KMT2D: variants seen among roughly 807,000 people sequenced by gnomAD.
The protein encoded by KMT2D is histone-lysine N-methyltransferase 2D.
KMT2D carries 55 observed loss-of-function variants against 512.7 expected under a neutral mutation model. That is an observed-to-expected ratio of 0.11 (90% CI 0.09 to 0.13). The LOEUF (loss-of-function observed/expected upper bound fraction) is 0.13. Among genes scored for constraint, KMT2D ranks in the 10% least tolerant of loss-of-function variants. The pLI is 1.00. For missense variants in KMT2D, 6,061 were observed against 7,127.9 expected (o/e 0.85, Z 5.39); for synonymous variants, 2,995 against 2,904.0 (o/e 1.03, Z -1.01).
In KMT2D at chr12:49,042,661, G is replaced by C. The variant is rs376201735; in HGVS notation, c.5783-16C>G. On this transcript the variant is annotated splice_polypyrimidine_tract_variant and intron_variant, in intron 27 of 54. Coordinates refer to ENST00000301067, the MANE Select transcript of KMT2D (RefSeq NM_003482.4). This position sits in a 1 kb window ranked among gnomAD's most constrained non-coding sequence, Gnocchi z 4.4. ...GGGAGTCCACCTACAAGACGGACAGGATCAGAGAAAAGAGCAACTGGCCCA... is the reference window on the plus strand; with the variant it reads ...GGGAGTCCACCTACAAGACGGACAGCATCAGAGAAAAGAGCAACTGGCCCA... 2.5e-6 allele frequency: 4 copies of C among 1,611,594 alleles called. No homozygotes were observed. Among genetic ancestry groups the C allele is most frequent in the Non-Finnish European group, 3.4e-6 (4 of 1,178,404 alleles).
In KMT2D at chr12:49,060,299, G is replaced by A. The variant is rs1938672800; in HGVS notation, c.-724C>T. 6.6e-6 allele frequency among the ~76,000 whole-genome samples: 1 copy of A among 152,088 alleles called. No homozygotes were observed. Among genetic ancestry groups the A allele is most frequent in the South Asian group, 2.1e-4 (1 of 4,832 alleles). ...GAAGGGAGGAGGCTAGGTAGGCGAG[G>A]AAAAGGAAGGGGCGGGCGGTGCGAG... On this transcript the variant is annotated 5_prime_UTR_variant, in exon 1 of 55. Transcript: ENST00000301067.
rs1232234078 is a variant in KMT2D, at chr12:49,037,760, C to T, written c.9596G>A (p.Ser3199Asn). 3 of 1,592,266 alleles carry T rather than the reference C, an allele frequency of 1.9e-6. No individual in the cohort carries two copies. The highest frequency in any genetic ancestry group is 2.6e-6 in the Non-Finnish European group (3 of 1,169,174). ...GGPPAHLLTP[S>N]PLSGPGGSSL... Reference sequence around the variant, plus strand: ...GGATCCTCCTGGGCCACTCAGTGGGCTGGGGGTCAGCAGGTGAGCTGGTGG... The same window carrying T: ...GGATCCTCCTGGGCCACTCAGTGGGTTGGGGGTCAGCAGGTGAGCTGGTGG... Residue 3199 changes from serine to asparagine, a missense_variant, in exon 35 of 55, where the codon AGC becomes AAC. Physicochemically the swap from Ser to Asn is conservative, Grantham distance 46. This residue lies in a region of KMT2D where 533 missense variants were observed against 539.6 expected (regional missense o/e 0.99). Transcript: ENST00000301067.
rs2137705900 is a variant in KMT2D, at chr12:49,022,553, G to A, written c.16338+37C>T. 6.3e-7 allele frequency: 1 copy of A among 1,599,282 alleles called. No homozygotes were observed. Among genetic ancestry groups the A allele is most frequent in the South Asian group, 1.1e-5 (1 of 88,912 alleles). ...TGCCCTTGCTCCTTGGTTGAGTGCA[G>A]ACTATGCACCACAATGGCCCCTCTG... is the stretch of plus-strand genomic sequence containing the variant. On this transcript the variant is annotated intron_variant, in intron 52 of 54. Transcript: ENST00000301067. This position sits in a 1 kb window ranked among gnomAD's most constrained non-coding sequence, Gnocchi z 8.6.
chr12:49,027,974 C>A (rs755305481), intron 47 of KMT2D, 35 bp downstream of exon 47: 10 of 1,613,426 alleles, frequency 6.2e-6, no homozygotes, highest in Non-Finnish European at 8.5e-6. Flanking sequence ...GAATCACTCC[C>A]CTCAAGTCCC....
chr12:49,030,353 G>A lies in KMT2D; in HGVS notation c.13926C>T (p.Val4642=). 6.2e-7 allele frequency: 1 copy of A among 1,601,050 alleles called. No homozygotes were observed. The highest frequency in any genetic ancestry group is 8.5e-7 in the Non-Finnish European group (1 of 1,173,716). Residue 4642 remains valine, a synonymous_variant, in exon 43 of 55, where the codon GTC becomes GTT. Transcript: ENST00000301067. ...PSVQQKMVNG[V]TPSEELGEHP... ...GCTCCCCCAGCTCTTCAGATGGGGTGACGCCATTCACCATCTTCTGCTGCA... is the reference window on the plus strand; with the variant it reads ...GCTCCCCCAGCTCTTCAGATGGGGTAACGCCATTCACCATCTTCTGCTGCA...
At position 49,051,708 on chromosome 12, in the gene KMT2D, C is replaced by T. The variant is rs1311928784; in HGVS notation, c.1975G>A (p.Val659Met). The T allele has an allele frequency of 6.3e-7, 1 of 1,585,190 alleles. No homozygotes were observed. The highest frequency in any genetic ancestry group is 8.6e-7 in the Non-Finnish European group (1 of 1,163,636). Residue 659 changes from valine to methionine, a missense_variant, in exon 11 of 55, where the codon GTG (valine) becomes ATG (methionine). Around this residue, in one of 16 missense-constraint regions of KMT2D, gnomAD observed 848 missense variants for 838.5 expected, o/e 1.01. Transcript: ENST00000301067. ...TCAGGCGGTGGAGACAGGCGTGACA[C>T]CACAGGCAGGGGGGATAGGCGCGAT... ...EVSRLSPLPV[V>M]SRLSPPPEES...
chr12:49,044,283 C>T lies in KMT2D; in HGVS notation c.5105G>A (p.Arg1702Gln), dbSNP rs1024285765. 6.2e-7 allele frequency: 1 copy of T among 1,613,602 alleles called. No homozygotes were observed. Among genetic ancestry groups the T allele is most frequent in the African/African-American group, 1.3e-5 (1 of 74,920 alleles). Residue 1702 changes from arginine (R) to glutamine (Q), a missense_variant, in exon 22 of 55, where the codon CGA (arginine) becomes CAA (glutamine). Physicochemically the swap from Arg to Gln is conservative, Grantham distance 43. Coordinates refer to ENST00000301067, the MANE Select transcript of KMT2D (RefSeq NM_003482.4). The surrounding 1 kb of genome is among the most constrained non-coding windows in gnomAD (Gnocchi z 6.4). ...CGTGCGTGTGTGGGATTTCCGCTGT[C>T]GCACCATGAAACCACCAATGCCTAT... ...YRPGIGGFMV[R>Q]QRKSHTRTKK...
Position 49,041,874 on chromosome 12 carries a change from C to T in KMT2D, c.6183+43G>A. 1.3e-6 allele frequency: 2 copies of T among 1,563,282 alleles called. No homozygotes were observed. The highest frequency in any genetic ancestry group is 1.7e-6 in the Non-Finnish European group (2 of 1,149,066). ...GTAAATTACCCAAAGATCCCTCCCT[C>T]CCTCTCAGTTCCCACGCTAATCCAT... On this transcript the variant is annotated intron_variant, in intron 30 of 54. Coordinates refer to ENST00000301067, the MANE Select transcript of KMT2D (RefSeq NM_003482.4). This position sits in a 1 kb window ranked among gnomAD's most constrained non-coding sequence, Gnocchi z 5.4.
At chr12:49,052,735 A>G (rs374697444) in intron 9 of KMT2D, 26 bp from the exon 10 acceptor site, 55 of 1,608,112 alleles carry the variant, frequency 3.4e-5, no homozygotes, top group Non-Finnish European at 4.3e-5. Context: ...GGGAGCAGGC[A>G]CTGTGGCTCT....
Position 49,039,411 on chromosome 12 carries a change from A to C in KMT2D, c.8229+24T>G. 6.2e-7 allele frequency: 1 copy of C among 1,602,234 alleles called. No individual in the cohort carries two copies. Among genetic ancestry groups the C allele is most frequent in the South Asian group, 1.1e-5 (1 of 89,760 alleles). On this transcript the variant is annotated intron_variant, in intron 33 of 54. Coordinates refer to ENST00000301067, the MANE Select transcript of KMT2D (RefSeq NM_003482.4). The surrounding 1 kb of genome is among the most constrained non-coding windows in gnomAD (Gnocchi z 5.0). Reference sequence around the variant, plus strand: ...GAGCAACCTTCAATATCCTGGCCCCACTATCCCTTGCCACTCTACCTACCT... The same window carrying C: ...GAGCAACCTTCAATATCCTGGCCCCCCTATCCCTTGCCACTCTACCTACCT...
intron 14 of KMT2D, 115 bp downstream of exon 14, chr12:49,048,544 G>C (rs1433086764): frequency 2.9e-6 from 2 of 678,862 alleles, no homozygotes; most frequent in African/African-American, 3.6e-5. Context: ...TAGAATTCAT[G>C]GTCTGTTTTC....
chr12:49,033,392 G>T lies in KMT2D; in HGVS notation c.11313C>A (p.Pro3771=), dbSNP rs200639395. Residue 3771 remains proline (P), a synonymous_variant, in exon 40 of 55, where the codon CCC becomes CCA. Transcript: ENST00000301067. ...TGGGAGGCATAAGGCCCTGGGGCTT[G>T]GGACCCAGAGCTTGGTTTGTCTGTA... The part of the protein sequence containing the change: ...PGVQTNQALG[P]KPQGLMPPSS... 277 of 1,572,856 alleles carry T rather than the reference G, an allele frequency of 1.8e-4. No homozygotes were observed. The Middle Eastern group carries it at 2.6e-3, about 14-fold the overall frequency.
rs764518717 is a variant in KMT2D at position 49,030,784 on chromosome 12, T to A, written c.13672-16A>T. On this transcript the variant is annotated splice_polypyrimidine_tract_variant and intron_variant, in intron 41 of 54. Transcript: ENST00000301067. The stretch of plus-strand genomic sequence containing the variant: ...GGGACAGCTCCTACAAGGGGCAAGA[T>A]GACAAAGTTCAAAACCTGCAGCGTT... 4.6e-5 allele frequency: 75 copies of A among 1,613,384 alleles called. No homozygotes were observed. In the South Asian group the frequency reaches 8.0e-4, roughly 17 times the overall value.
Position 49,033,984 on chromosome 12 carries a change from G to A in KMT2D, c.10741-20C>T, listed in dbSNP as rs1263026722. The A allele has an allele frequency of 6.5e-7, 1 of 1,545,080 alleles. No individual in the cohort carries two copies. Among genetic ancestry groups the A allele is most frequent in the East Asian group, 2.4e-5 (1 of 41,424 alleles). ...CCGGACCTAACATGGGAGGGTCGGA[G>A]AGGTCAGGCTGGGGCATGCTCCCCC... On this transcript the variant is annotated intron_variant, in intron 39 of 54. Transcript: ENST00000301067.
chr12:49,039,453 G>T lies in KMT2D; in HGVS notation c.8211C>A (p.Thr2737=), dbSNP rs370558457. 8 of 1,601,538 alleles carry T rather than the reference G, an allele frequency of 5.0e-6. No homozygotes were observed. In the East Asian group the frequency reaches 1.3e-4, roughly 27 times the overall value. The change falls in exon 33 of 55, where the codon ACC becomes ACA. Residue 2737 remains threonine, a synonymous_variant. Coordinates refer to ENST00000301067, the MANE Select transcript of KMT2D (RefSeq NM_003482.4). This position sits in a 1 kb window ranked among gnomAD's most constrained non-coding sequence, Gnocchi z 5.0. ...TACCTACCTGTGTCCCAGCAAAGGG[G>T]GTCTGGCCTCGACTCAGCTGCTCAA... ...PAFEQLSRGQ[T]PFAGTQDKSS...
Position 49,044,931 on chromosome 12 carries a change from C to G in KMT2D, c.4776G>C (p.Leu1592=), listed in dbSNP as rs2120589694. 1 of 1,613,988 alleles carries G rather than the reference C, an allele frequency of 6.2e-7. No homozygotes were observed. The highest frequency in any genetic ancestry group is 8.5e-7 in the Non-Finnish European group (1 of 1,179,842). ...PQYFRFEGVW[L]TETGMALLRN... Reference sequence around the variant, plus strand: ...GCAGCAAGGCCATGCCAGTTTCTGTCAGCCACACACCTTCGAAGCGAAAGT... The same window carrying G: ...GCAGCAAGGCCATGCCAGTTTCTGTGAGCCACACACCTTCGAAGCGAAAGT... Residue 1592 remains leucine (L), a synonymous_variant, in exon 20 of 55, where the codon CTG becomes CTC. Coordinates refer to ENST00000301067, the MANE Select transcript of KMT2D (RefSeq NM_003482.4). This position sits in a 1 kb window ranked among gnomAD's most constrained non-coding sequence, Gnocchi z 6.4.
In KMT2D at chr12:49,026,992, G is replaced by T. The variant is rs773586114; in HGVS notation, c.14974C>A (p.Leu4992Met). ...WKGVRWKRLR[L>M]LLTIQKGSGR... Reference sequence around the variant, plus strand: ...CTGCCCTTCTGGATGGTCAGCAGCAGCCGAAGCCGCTTCCAGCGCACTCCT... The same window carrying T: ...CTGCCCTTCTGGATGGTCAGCAGCATCCGAAGCCGCTTCCAGCGCACTCCT... The change falls in exon 49 of 55, where the codon CTG (leucine) becomes ATG (methionine). Residue 4992 changes from leucine (L) to methionine (M), a missense_variant. Leu to Met is a conservative substitution (Grantham distance 15, BLOSUM62 2). This residue lies in a region of KMT2D where 1,600 missense variants were observed against 1,754.9 expected (regional missense o/e 0.91). Coordinates refer to ENST00000301067, the MANE Select transcript of KMT2D (RefSeq NM_003482.4). The surrounding 1 kb of genome is among the most constrained non-coding windows in gnomAD (Gnocchi z 9.6). 1.9e-6 allele frequency: 3 copies of T among 1,613,934 alleles called. No individual in the cohort carries two copies. In the African/African-American group the frequency reaches 4.0e-5, roughly 22 times the overall value.
chr12:49,028,509 C>T (rs4760657), intron 46 of KMT2D, among the ~76,000 whole-genome samples: 2,043 of 152,230 alleles, frequency 0.013, 148 homozygotes, highest in Admixed American at 0.12. Flanking sequence ...CACAAAAGCC[C>T]GTTAATATTT....
chr12:49,052,887 C>T (rs1352901458), intron 9 of KMT2D, 28 bp downstream of exon 9: 1 of 1,611,656 alleles, frequency 6.2e-7, no homozygotes, highest in Non-Finnish European at 8.5e-7. Flanking sequence ...ACCTGCCAGC[C>T]CAATCTCAGT....
Sources: gnomAD v4.1 joint callset for allele counts (sites outside exome capture counted in the v4.1 genomes callset) on GRCh38, gnomAD v4.1.1 for gene constraint, gnomAD v4.1.1 regional missense constraint, Gnocchi (gnomAD v3.1) non-coding constraint, MANE v1.5 for transcripts, NCBI Gene and HGNC (gene_info 2026-07-23, HGNC 2026-07-21) for gene names.